PCDHA12: variants seen among roughly 807,000 people sequenced by gnomAD.
PCDHA12 encodes protocadherin alpha-12.
Under a neutral mutation model 60.0 loss-of-function variants are expected in PCDHA12, and 44 were observed. The ratio of observed to expected loss-of-function variants is 0.73; its 90% CI spans 0.58 to 0.94. PCDHA12 has a LOEUF of 0.94. Ranked by LOEUF, PCDHA12 falls within the 40% of genes least tolerant of loss-of-function variation. The pLI is 0.00. For synonymous variants in PCDHA12, 569 were observed against 553.0 expected (o/e 1.03, Z -0.40); for missense variants, 1,276 against 1,239.7 (o/e 1.03, Z -0.44).
intron 1 of PCDHA12, among the ~76,000 whole-genome samples, chr5:140,946,752 A>G (rs1470208958): frequency 9.2e-5 from 14 of 151,470 alleles, no homozygotes; most frequent in African/African-American, 3.4e-4. Context: ...CAAATACTGC[A>G]TGATCTCATT....
intron 1 of PCDHA12, chr5:140,884,132 T>C: frequency 6.2e-7 from 1 of 1,613,400 alleles, no homozygotes; most frequent in South Asian, 1.1e-5. Context: ...GCGCATCCCG[T>C]TCCGCGTGGG....
chr5:140,908,919 G>A (rs781892541), intron 1 of PCDHA12, among the ~76,000 whole-genome samples: 1 of 152,158 alleles, frequency 6.6e-6, no homozygotes, highest in Non-Finnish European at 1.5e-5. Context: ...TGTAGGAGGG[G>A]CCAAATGCAG....
At chr5:140,928,332 C>T in intron 1 of PCDHA12, 1 of 1,614,182 alleles carries the variant, frequency 6.2e-7, no homozygotes, top group Non-Finnish European at 8.5e-7. Context: ...ATGGCCTTGT[C>T]TCTTATGAGC....
chr5:140,877,150 G>A lies in PCDHA12; in HGVS notation c.1678G>A (p.Asp560Asn), dbSNP rs370292278. ...TLQVFVLDEN[D>N]NAPALLATPA... ...GCAGGTGTTCGTGCTGGACGAGAAC[G>A]ACAACGCGCCGGCACTGCTGGCGAC... Residue 560 changes from aspartate to asparagine, a missense_variant, in exon 1 of 4, where the codon GAC becomes AAC. Transcript: ENST00000398631. 6.8e-6 allele frequency: 11 copies of A among 1,613,672 alleles called. No individual in the cohort carries two copies. Among genetic ancestry groups the A allele is most frequent in the Admixed American group, 3.3e-5 (2 of 59,978 alleles).
Position 140,875,799 on chromosome 5 carries a change from C to T in PCDHA12, c.327C>T (p.Ile109=), listed in dbSNP as rs781911910. The T allele has an allele frequency of 5.6e-6, 9 of 1,614,014 alleles. No homozygotes were observed. The part of the protein sequence containing the change: ...SAECSIHLEV[I]VDRPLQVFHV... Reference sequence around the variant, plus strand: ...AGTGCAGTATCCACCTGGAGGTGATCGTGGACAGGCCGCTGCAGGTTTTCC... The same window carrying T: ...AGTGCAGTATCCACCTGGAGGTGATTGTGGACAGGCCGCTGCAGGTTTTCC... Residue 109 remains isoleucine, a synonymous_variant, in exon 1 of 4, where the codon ATC becomes ATT. Transcript: ENST00000398631.
At position 140,875,508 on chromosome 5, in the gene PCDHA12, G is replaced by GC; in HGVS notation, c.37dup (p.Arg13ProfsTer115). On this transcript the variant is annotated frameshift_variant, in exon 1 of 4. Transcript: ENST00000398631. LOFTEE classifies it high-confidence loss of function. ...TCGGACCAAGAGGCCCGGGATCCCA[G>GC]CGTCTGCTGCTCTCGCTTCTGCTCC... The GC allele has an allele frequency of 6.2e-7, 1 of 1,613,706 alleles. No homozygotes were observed. The highest frequency in any genetic ancestry group is 1.1e-5 in the South Asian group (1 of 91,070).
chr5:140,891,820 G>A (rs1341896388), intron 1 of PCDHA12, among the ~76,000 whole-genome samples: 1 of 152,102 alleles, frequency 6.6e-6, no homozygotes, highest in African/African-American at 2.4e-5. Context: ...TAAATTAACG[G>A]CACTGTAAAA....
intron 1 of PCDHA12, among the ~76,000 whole-genome samples, chr5:140,925,641 T>TAATA (rs2082614636): frequency 7.0e-6 from 1 of 143,358 alleles, no homozygotes; most frequent in Non-Finnish European, 1.5e-5. Flanking sequence ...GAACTTAAAG[T>TAATA]ATAATAATAA....
chr5:140,964,087 G>T (rs2095809523), intron 1 of PCDHA12, among the ~76,000 whole-genome samples: 1 of 152,078 alleles, frequency 6.6e-6, no homozygotes, highest in African/African-American at 2.4e-5. Context: ...TTGTAGAAAG[G>T]GTAATTAACA....
intron 1 of PCDHA12, chr5:140,927,723 A>G: frequency 6.2e-7 from 1 of 1,614,220 alleles, no homozygotes; most frequent in Non-Finnish European, 8.5e-7. Context: ...ACAGCACGCA[A>G]GCAGAGCTGC....
intron 1 of PCDHA12, chr5:140,969,174 G>A (rs777458792): frequency 6.2e-7 from 1 of 1,614,076 alleles, no homozygotes; most frequent in South Asian, 1.1e-5. Flanking sequence ...GGCTCAGGGA[G>A]TGACACTTTC....
At chr5:141,003,832 G>C (rs1261830894) in intron 3 of PCDHA12, among the ~76,000 whole-genome samples, 1 of 152,102 alleles carries the variant, frequency 6.6e-6, no homozygotes, top group Non-Finnish European at 1.5e-5. Flanking sequence ...TCTGCCTAAC[G>C]ATTCAGACCC....
intron 3 of PCDHA12, among the ~76,000 whole-genome samples, chr5:140,992,803 G>A (rs2097529196): frequency 6.6e-6 from 1 of 152,146 alleles, no homozygotes; most frequent in African/African-American, 2.4e-5. Context: ...GGATCCATAT[G>A]TATCTAAGGA....
At chr5:140,980,507 G>A (rs1274816745) in intron 2 of PCDHA12, among the ~76,000 whole-genome samples, 1 of 152,136 alleles carries the variant, frequency 6.6e-6, no homozygotes, top group African/African-American at 2.4e-5. Flanking sequence ...GCATGTGCCT[G>A]TAGTTCCAGC....
At chr5:140,999,001 C>T (rs1405051280) in intron 3 of PCDHA12, among the ~76,000 whole-genome samples, 3 of 152,214 alleles carry the variant, frequency 2.0e-5, no homozygotes, top group Non-Finnish European at 4.4e-5. Flanking sequence ...AATGCTGGAG[C>T]TGAGATTTGA....
At chr5:140,985,712 A>G (rs1319708410) in intron 3 of PCDHA12, among the ~76,000 whole-genome samples, 2 of 148,826 alleles carry the variant, frequency 1.3e-5, no homozygotes, top group Non-Finnish European at 3.0e-5. Context: ...TGTTTCTTAA[A>G]GTTATTTTTC....
intron 1 of PCDHA12, among the ~76,000 whole-genome samples, chr5:140,962,617 G>A (rs189225320): frequency 3.8e-4 from 58 of 152,276 alleles, no homozygotes; most frequent in Non-Finnish European, 1.9e-4. Context: ...GAGGAAGGGA[G>A]ATGTGAAAAA....
chr5:140,884,820 T>C (rs1318105542), intron 1 of PCDHA12: 4 of 1,013,184 alleles, frequency 3.9e-6, no homozygotes, highest in African/African-American at 3.3e-5. Context: ...GTGGACATTA[T>C]GTGTTGGATT....
chr5:140,887,565 T>C (rs1214384060), intron 1 of PCDHA12, among the ~76,000 whole-genome samples: 2 of 152,180 alleles, frequency 1.3e-5, no homozygotes, highest in Admixed American at 1.3e-4. Context: ...TTAAAACTTT[T>C]CTTTTTATCC....
Sources: allele counts gnomAD v4.1 joint callset (sites outside exome capture counted in the v4.1 genomes callset), GRCh38; gene constraint gnomAD v4.1.1; transcripts MANE v1.5; gene names NCBI Gene and HGNC (gene_info 2026-07-23, HGNC 2026-07-21).